TEX11: variants seen among roughly 807,000 people sequenced by gnomAD.
TEX11 encodes testis expressed 11.
In TEX11, 7 loss-of-function variants were observed where a neutral mutation model predicts 84.4. That is an observed-to-expected ratio of 0.08 (90% CI 0.05 to 0.16). The LOEUF is 0.16. Among genes scored for constraint, TEX11 ranks in the 10% least tolerant of loss-of-function variants. The pLI is 1.00. For missense variants in TEX11, 551 were observed against 660.5 expected, an observed-to-expected ratio of 0.83 and a Z score of 1.82; for synonymous variants, 264 against 222.8, an observed-to-expected ratio of 1.18 and a Z score of -1.64.
chrX:70,570,398 G>A (rs779127548), intron 25 of TEX11, among the ~76,000 whole-genome samples: 17 of 111,797 alleles, frequency 1.5e-4, no homozygotes, highest in East Asian at 1.1e-3. Flanking sequence ...GCTCACTCAC[G>A]GTGCGCTGCA....
chrX:70,892,818 G>T (rs2091745866), intron 2 of TEX11, among the ~76,000 whole-genome samples: 2 of 109,795 alleles, frequency 1.8e-5, no homozygotes, highest in Admixed American at 9.8e-5. Flanking sequence ...AATCTCACGT[G>T]CAAAGACACA....
intron 25 of TEX11, among the ~76,000 whole-genome samples, chrX:70,577,626 T>A (rs1276119990): frequency 3.6e-5 from 4 of 110,955 alleles, no homozygotes; most frequent in Admixed American, 1.9e-4. Context: ...CAAAATGAAA[T>A]GCAAATTGAA....
chrX:70,849,179 C>G (rs2091494600), intron 7 of TEX11, among the ~76,000 whole-genome samples: 1 of 112,070 alleles, frequency 8.9e-6, no homozygotes, highest in African/African-American at 3.2e-5. Context: ...TAACCTAAGT[C>G]ATTCATTTGG....
intron 17 of TEX11, among the ~76,000 whole-genome samples, chrX:70,635,759 C>T (rs1276119945): frequency 9.0e-6 from 1 of 110,883 alleles, no homozygotes; most frequent in Non-Finnish European, 1.9e-5. Context: ...CAGGCCTACT[C>T]AGTGCCAGGC....
chrX:70,642,558 A>G (rs1358265214), intron 17 of TEX11, among the ~76,000 whole-genome samples: 2 of 102,098 alleles, frequency 2.0e-5, no homozygotes, highest in Non-Finnish European at 4.0e-5. Flanking sequence ...GCACATCAAA[A>G]AGCTTATCCA....
chrX:70,609,564 A>T lies in TEX11; in HGVS notation c.1793-387T>A, dbSNP rs2089235286. 3.6e-5 allele frequency among the ~76,000 whole-genome samples: 4 copies of T among 112,612 alleles called. No homozygotes were observed. The South Asian group carries it at 1.5e-3, about 42-fold the overall frequency. ...CTGGCATAATATTTACTGAGCCAGC[A>T]AGCTCAGGACAGAACCAGAATGTGC... is the stretch of plus-strand genomic sequence containing the variant. On this transcript the variant is annotated intron_variant, in intron 21 of 29. Transcript: ENST00000374333.
chrX:70,905,904 T>A (rs2091826562), intron 2 of TEX11, among the ~76,000 whole-genome samples: 1 of 102,330 alleles, frequency 9.8e-6, no homozygotes, highest in South Asian at 4.7e-4. Context: ...ATACAAAAAA[T>A]TAGCCGGGCA....
At chrX:70,859,349 G>C (rs779631700) in intron 5 of TEX11, among the ~76,000 whole-genome samples, 1 of 107,618 alleles carries the variant, frequency 9.3e-6, no homozygotes, top group African/African-American at 3.4e-5. Flanking sequence ...AGGCCGGGGC[G>C]GGTGGATCAC....
intron 13 of TEX11, among the ~76,000 whole-genome samples, chrX:70,710,747 C>G (rs1279299751): frequency 9.0e-6 from 1 of 110,646 alleles, no homozygotes; most frequent in Non-Finnish European, 1.9e-5. Context: ...GTTTGAGAAG[C>G]ACTAACATAA....
Position 70,599,371 on chromosome X carries a change from A to G in TEX11, c.2067+6030T>C, listed in dbSNP as rs186805904. Among the ~76,000 whole-genome samples, 546 of 111,861 alleles carry G rather than the reference A, an allele frequency of 4.9e-3. 3 individuals are homozygous for G. The highest frequency in any genetic ancestry group is 7.2e-3 in the Non-Finnish European group (381 of 53,098). On this transcript the variant is annotated intron_variant, in intron 24 of 29. Coordinates refer to ENST00000374333, the MANE Select transcript of TEX11 (RefSeq NM_031276.3). ...TTTTACCTATCCCTCAATTTCTCCT[A>G]ACTCATACTCAGAAGGGTAGAGGCA...
rs1176144598 is a variant in TEX11 at position 70,808,059 on chromosome X, G to A, written c.607-1269C>T. The stretch of plus-strand genomic sequence containing the variant: ...GCGGAGGTTGCAGTAAGCCGAGATC[G>A]TGCCACTGCACTCACTCCAGCCTGG... On this transcript the variant is annotated intron_variant, in intron 8 of 29. Transcript: ENST00000374333. Among the ~76,000 whole-genome samples the A allele has an allele frequency of 6.0e-5, 5 of 83,201 alleles. No homozygotes were observed. In the Admixed American group the frequency reaches 8.6e-4, roughly 14 times the overall value. 72.3% of individuals were successfully genotyped at this position (83,201 alleles called of 115,157 possible).
At chrX:70,790,618 G>C (rs762825087) in intron 9 of TEX11, among the ~76,000 whole-genome samples, 4 of 112,306 alleles carry the variant, frequency 3.6e-5, no homozygotes, top group Admixed American at 2.8e-4. Context: ...GCTGGGCCAA[G>C]AGAGAGGATA....
intron 11 of TEX11, among the ~76,000 whole-genome samples, chrX:70,730,035 C>CA (rs1340794300): frequency 1.8e-5 from 2 of 111,740 alleles, no homozygotes; most frequent in Non-Finnish European, 3.8e-5. Flanking sequence ...ATTTTCAACC[C>CA]AAATTTCACG....
rs182471048 is a variant in TEX11, at chrX:70,800,826, G to C, written c.692+5879C>G. Among the ~76,000 whole-genome samples the C allele has an allele frequency of 3.2e-3, 351 of 109,167 alleles. 1 individual carries two copies. The highest frequency in any genetic ancestry group is 5.8e-3 in the Non-Finnish European group (307 of 52,591). The allele number at this position is 109,167 out of a possible 115,157, so 94.8% of individuals were successfully genotyped here. A position where few individuals can be genotyped will look rare whatever the true frequency, so the allele number is the denominator to read the frequency against. On this transcript the variant is annotated intron_variant, in intron 9 of 29. Transcript: ENST00000374333. The stretch of plus-strand genomic sequence containing the variant: ...TCCCACCTCAGCCTTTCAAGTAGCT[G>C]GGACTACAGGCGCATGCCACCATGC...
chrX:70,673,303 T>G (rs1403936827), intron 15 of TEX11: 2 of 110,938 alleles, frequency 1.8e-5, no homozygotes, highest in Non-Finnish European at 3.8e-5. Flanking sequence ...TATTTTTGTA[T>G]AGATGGTGCT....
chrX:70,729,895 C>A (rs192327224), intron 11 of TEX11, among the ~76,000 whole-genome samples: 23 of 111,847 alleles, frequency 2.1e-4, no homozygotes, highest in Admixed American at 3.8e-4. Context: ...AAAAATGTTA[C>A]GGGCAGCCAG....
chrX:70,841,775 G>A (rs1168723779), intron 7 of TEX11, among the ~76,000 whole-genome samples: 5 of 111,054 alleles, frequency 4.5e-5, no homozygotes, highest in African/African-American at 1.6e-4. Context: ...TCAATTAGAC[G>A]CAATAAAAAA....
downstream of TEX11, among the ~76,000 whole-genome samples, chrX:70,526,749 C>T (rs181245867): frequency 1.1e-4 from 12 of 110,790 alleles, no homozygotes; most frequent in East Asian, 3.4e-3. Context: ...ATGAGTACAC[C>T]TCTAGGACCC....
At chrX:70,682,279 A>G (rs868697783) in intron 14 of TEX11, among the ~76,000 whole-genome samples, 3 of 111,601 alleles carry the variant, frequency 2.7e-5, no homozygotes, top group African/African-American at 9.8e-5. Context: ...AAAAGAAGTT[A>G]GAAACCAGGA....
Sources: allele counts gnomAD v4.1 joint callset (sites outside exome capture counted in the v4.1 genomes callset), GRCh38; gene constraint gnomAD v4.1.1; transcripts MANE v1.5; gene names NCBI Gene and HGNC (gene_info 2026-07-23, HGNC 2026-07-21).